The following GRID2 variants were observed in gnomAD, a reference collection of about 807,000 sequenced individuals.
GRID2 encodes the protein glutamate ionotropic receptor delta type subunit 2, also known as glutamate receptor ionotropic, delta-2.
A neutral mutation model predicts 114.8 loss-of-function variants in GRID2; 33 were observed. The ratio of observed to expected loss-of-function variants is 0.29; its 90% CI spans 0.22 to 0.38. The LOEUF (loss-of-function observed/expected upper bound fraction) is 0.38, where lower values mean the gene tolerates loss of function less well. Ranked by LOEUF, GRID2 falls within the 10% of genes least tolerant of loss-of-function variation. The probability of loss-of-function intolerance (pLI) is 1.00; values close to 1 mark genes in which losing one functional copy is unlikely to be tolerated. For synonymous variants in GRID2, 505 were observed against 449.9 expected, an observed-to-expected ratio of 1.12 and a Z score of -1.55; for missense variants, 1,184 against 1,257.7, an observed-to-expected ratio of 0.94 and a Z score of 0.89.
chr4:93,133,768 G>A (rs1451299089), intron 4 of GRID2, among the ~76,000 whole-genome samples: 1 of 152,038 alleles, frequency 6.6e-6, no homozygotes, highest in Non-Finnish European at 1.5e-5. Context: ...GAAAGCCTTA[G>A]GAACATGCTC....
intron 14 of GRID2, among the ~76,000 whole-genome samples, chr4:93,697,034 C>A (rs1727082122): frequency 6.6e-6 from 1 of 151,996 alleles, no homozygotes; most frequent in South Asian, 2.1e-4. Context: ...GCAAAAAATA[C>A]TAAAATTATT....
chr4:92,727,147 C>T (rs908055630), intron 2 of GRID2, among the ~76,000 whole-genome samples: 24 of 151,950 alleles, frequency 1.6e-4, no homozygotes, highest in African/African-American at 5.8e-4. Context: ...TATATACAGA[C>T]ATTCAGTCAA....
intron 1 of GRID2, among the ~76,000 whole-genome samples, chr4:92,343,605 C>A (rs1170736557): frequency 6.6e-6 from 1 of 151,910 alleles, no homozygotes; most frequent in African/African-American, 2.4e-5. Context: ...TGGAGTTTTG[C>A]TCTTGTAGCC....
At chr4:92,506,051 T>C (rs1190408644) in intron 1 of GRID2, among the ~76,000 whole-genome samples, 1 of 152,020 alleles carries the variant, frequency 6.6e-6, no homozygotes, top group Non-Finnish European at 1.5e-5. Flanking sequence ...AAAATGTATA[T>C]ATTGAATTCA....
intron 1 of GRID2, among the ~76,000 whole-genome samples, chr4:92,446,656 A>G (rs747551708): frequency 2.0e-5 from 3 of 152,174 alleles, no homozygotes; most frequent in Non-Finnish European, 4.4e-5. Flanking sequence ...AGGTCTCCTT[A>G]GTTACTATCC....
chr4:92,502,274 T>G (rs1465167155), intron 1 of GRID2, among the ~76,000 whole-genome samples: 2 of 152,144 alleles, frequency 1.3e-5, no homozygotes, highest in Non-Finnish European at 2.9e-5. Flanking sequence ...ACATAAAAAT[T>G]ACATGTTAAC....
chr4:93,512,541 C>T (rs1729297630), intron 12 of GRID2, among the ~76,000 whole-genome samples: 1 of 152,108 alleles, frequency 6.6e-6, no homozygotes, highest in South Asian at 2.1e-4. Flanking sequence ...TATGATGGAA[C>T]ATGCTGAATC....
At chr4:93,430,235 C>T (rs2149378815) in intron 10 of GRID2, among the ~76,000 whole-genome samples, 1 of 152,210 alleles carries the variant, frequency 6.6e-6, no homozygotes, top group East Asian at 1.9e-4. Context: ...GGCTGGAGTT[C>T]AGTGGCGCAA....
intron 2 of GRID2, among the ~76,000 whole-genome samples, chr4:93,002,050 T>G (rs1248824854): frequency 6.6e-6 from 1 of 151,758 alleles, no homozygotes; most frequent in Non-Finnish European, 1.5e-5. Context: ...ATAAAATTTT[T>G]AGAACAAGGT....
chr4:92,478,833 C>A (rs1279836977), intron 1 of GRID2, among the ~76,000 whole-genome samples: 1 of 151,980 alleles, frequency 6.6e-6, no homozygotes, highest in Non-Finnish European at 1.5e-5. Context: ...ATTTTCTGTC[C>A]ACATCTCCCT....
intron 2 of GRID2, among the ~76,000 whole-genome samples, chr4:92,690,482 T>G (rs1407697736): frequency 1.3e-5 from 2 of 152,104 alleles, no homozygotes; most frequent in African/African-American, 4.8e-5. Context: ...ATAACAGATA[T>G]AAAGCAGTAA....
At chr4:92,790,054 C>T (rs1242182425) in intron 2 of GRID2, among the ~76,000 whole-genome samples, 1 of 151,840 alleles carries the variant, frequency 6.6e-6, no homozygotes, top group Admixed American at 6.6e-5. Flanking sequence ...TTATTTTTAG[C>T]ATCTGCACTA....
intron 14 of GRID2, among the ~76,000 whole-genome samples, chr4:93,765,336 A>AGGG (rs1275160587): frequency 6.6e-6 from 1 of 152,070 alleles, no homozygotes; most frequent in African/African-American, 2.4e-5. Flanking sequence ...GGGGTGACTG[A>AGGG]GGGGTCAGAT....
At chr4:93,725,727 T>C (rs1179892708) in intron 14 of GRID2, among the ~76,000 whole-genome samples, 2 of 151,860 alleles carry the variant, frequency 1.3e-5, no homozygotes, top group African/African-American at 2.4e-5. Flanking sequence ...ATTTCTCTGA[T>C]GGCCAGTGAT....
intron 10 of GRID2, among the ~76,000 whole-genome samples, chr4:93,430,038 AT>A (rs1480841568): frequency 6.6e-6 from 1 of 152,148 alleles, no homozygotes. Flanking sequence ...AGCTTTCCTA[AT>A]TTTTATGGTT....
At chr4:93,409,044 T>A (rs1002377278) in intron 9 of GRID2, among the ~76,000 whole-genome samples, 2 of 152,194 alleles carry the variant, frequency 1.3e-5, no homozygotes, top group African/African-American at 4.8e-5. Flanking sequence ...AATAATTATG[T>A]ACCTTGTTCT....
At chr4:92,732,422 A>C (rs986624910) in intron 2 of GRID2, among the ~76,000 whole-genome samples, 1 of 152,046 alleles carries the variant, frequency 6.6e-6, no homozygotes, top group Non-Finnish European at 1.5e-5. Context: ...AGTTAAAATG[A>C]TAATATATGA....
intron 2 of GRID2, among the ~76,000 whole-genome samples, chr4:93,014,852 G>A (rs557331817): frequency 3.3e-5 from 5 of 152,048 alleles, no homozygotes; most frequent in East Asian, 1.9e-4. Context: ...AGAACTGTAC[G>A]TTGCTCAAGG....
At chr4:93,011,984 G>A (rs1048926033) in intron 2 of GRID2, among the ~76,000 whole-genome samples, 1 of 150,408 alleles carries the variant, frequency 6.6e-6, no homozygotes, top group African/African-American at 2.4e-5. Context: ...ATCCCTAAAT[G>A]AGACCTGAGC....
Sources: gnomAD v4.1 joint callset for allele counts (sites outside exome capture counted in the v4.1 genomes callset) on GRCh38, gnomAD v4.1.1 for gene constraint, MANE v1.5 for transcripts, NCBI Gene and HGNC (gene_info 2026-07-23, HGNC 2026-07-21) for gene names.